NLGN1: variants seen among roughly 807,000 people sequenced by gnomAD.
NLGN1 encodes neuroligin 1.
NLGN1 carries 12 observed loss-of-function variants against 65.5 expected under a neutral mutation model. The observed-to-expected ratio is 0.18, with a 90% confidence interval of 0.12 to 0.30. The LOEUF is 0.30. NLGN1 is among the 10% of genes least tolerant of loss of function. The pLI is 1.00. For synonymous variants in NLGN1, 350 were observed against 359.5 expected, an observed-to-expected ratio of 0.97 and a Z score of 0.30; for missense variants, 750 against 1,007.1, an observed-to-expected ratio of 0.74 and a Z score of 3.46.
intron 4 of NLGN1, among the ~76,000 whole-genome samples, chr3:173,917,065 C>T (rs1225820248): frequency 6.6e-6 from 1 of 152,120 alleles, no homozygotes; most frequent in East Asian, 1.9e-4. Flanking sequence ...GCACACATTG[C>T]TTAAAAACTA....
intron 4 of NLGN1, among the ~76,000 whole-genome samples, chr3:174,154,794 A>G (rs574924365): frequency 1.8e-4 from 27 of 149,940 alleles, no homozygotes; most frequent in African/African-American, 6.4e-4. Flanking sequence ...TTTATAGTAT[A>G]TATGTTGTAG....
At chr3:173,471,431 A>G (rs1354310850) in intron 2 of NLGN1, among the ~76,000 whole-genome samples, 1 of 152,034 alleles carries the variant, frequency 6.6e-6, no homozygotes. Flanking sequence ...AGATAAACCA[A>G]CCCATTCTCT....
chr3:173,708,612 A>G (rs764259049), intron 3 of NLGN1, among the ~76,000 whole-genome samples: 1 of 152,184 alleles, frequency 6.6e-6, no homozygotes, highest in African/African-American at 2.4e-5. Flanking sequence ...AGCCTAGAAA[A>G]GGTATTGTAA....
chr3:173,795,948 G>C (rs759245469), intron 3 of NLGN1, among the ~76,000 whole-genome samples: 2 of 152,114 alleles, frequency 1.3e-5, no homozygotes, highest in Admixed American at 6.6e-5. Flanking sequence ...AAGGTCAATA[G>C]CCAGGGCTTT....
chr3:173,764,660 C>T (rs1356151243), intron 3 of NLGN1, among the ~76,000 whole-genome samples: 1 of 152,074 alleles, frequency 6.6e-6, no homozygotes, highest in Non-Finnish European at 1.5e-5. Context: ...ATCTGCATAA[C>T]TACCTGGTAA....
intron 4 of NLGN1, among the ~76,000 whole-genome samples, chr3:173,993,505 AATG>A (rs1560796672): frequency 6.6e-6 from 1 of 152,160 alleles, no homozygotes; most frequent in Non-Finnish European, 1.5e-5. Context: ...AGATGTTAAG[AATG>A]ATGTGTGTGT....
intron 3 of NLGN1, among the ~76,000 whole-genome samples, chr3:173,737,639 T>G (rs1053560508): frequency 3.9e-5 from 6 of 152,096 alleles, no homozygotes; most frequent in African/African-American, 9.6e-5. Flanking sequence ...ATATACTACA[T>G]TGTATTTATC....
chr3:173,979,544 A>C (rs2152390394), intron 4 of NLGN1, among the ~76,000 whole-genome samples: 1 of 152,190 alleles, frequency 6.6e-6, no homozygotes, highest in Admixed American at 6.6e-5. Flanking sequence ...TAAGAGGTAA[A>C]AAGAAGTGAC....
intron 2 of NLGN1, among the ~76,000 whole-genome samples, chr3:173,465,139 A>G (rs1020023433): frequency 3.9e-5 from 6 of 152,236 alleles, no homozygotes; most frequent in African/African-American, 1.4e-4. Context: ...GTACATAATT[A>G]AGCCTTGTTC....
chr3:174,189,590 A>G (rs2152758055), intron 4 of NLGN1, among the ~76,000 whole-genome samples: 1 of 152,092 alleles, frequency 6.6e-6, no homozygotes, highest in Non-Finnish European at 1.5e-5. Context: ...ATATATGTCC[A>G]TCATTCTTCA....
At chr3:173,939,475 G>C (rs1745614015) in intron 4 of NLGN1, among the ~76,000 whole-genome samples, 1 of 151,962 alleles carries the variant, frequency 6.6e-6, no homozygotes, top group Admixed American at 6.6e-5. Flanking sequence ...ACCACAAGGA[G>C]GATTATACAT....
At chr3:173,618,589 A>T (rs1753506513) in intron 3 of NLGN1, among the ~76,000 whole-genome samples, 2 of 152,096 alleles carry the variant, frequency 1.3e-5, no homozygotes, top group South Asian at 4.1e-4. Flanking sequence ...AGACTATATT[A>T]TATATTATTT....
intron 1 of NLGN1, among the ~76,000 whole-genome samples, chr3:173,414,683 C>T (rs914316499): frequency 6.6e-6 from 1 of 151,702 alleles, no homozygotes; most frequent in East Asian, 1.9e-4. Context: ...AATAGTAAAA[C>T]CCTTGAAAAG....
At chr3:174,183,414 T>C (rs146180001) in intron 4 of NLGN1, among the ~76,000 whole-genome samples, 6 of 152,172 alleles carry the variant, frequency 3.9e-5, no homozygotes, top group Admixed American at 3.9e-4. Context: ...ATGTGAAAGA[T>C]GTTTTAATAA....
chr3:173,589,781 A>AT (rs1748149154), intron 2 of NLGN1, among the ~76,000 whole-genome samples: 1 of 152,178 alleles, frequency 6.6e-6, no homozygotes, highest in African/African-American at 2.4e-5. Flanking sequence ...AACCATAATG[A>AT]TTCTTTTTTC....
intron 4 of NLGN1, among the ~76,000 whole-genome samples, chr3:173,986,424 G>A (rs1003986274): frequency 6.6e-6 from 1 of 151,954 alleles, no homozygotes; most frequent in Admixed American, 6.6e-5. Context: ...AGCCGAGATC[G>A]GGCCACTGCA....
intron 4 of NLGN1, among the ~76,000 whole-genome samples, chr3:174,126,089 C>T (rs769894110): frequency 3.9e-5 from 6 of 152,036 alleles, no homozygotes; most frequent in Non-Finnish European, 7.4e-5. Context: ...TGTGTTCACC[C>T]GGGCATGATG....
rs373479510 is a variant in NLGN1 at position 173,417,390 on chromosome 3, A to G, written c.-389-17620A>G. On this transcript the variant is annotated intron_variant, in intron 1 of 6. Coordinates refer to ENST00000457714, the Ensembl canonical transcript of NLGN1. The stretch of plus-strand genomic sequence containing the variant: ...TTTTTAAAATGTCTTGGTATGTGAT[A>G]CTTGAACTTAATTCTCTAAATAATC... Among the ~76,000 whole-genome samples, 11 of 152,036 alleles carry G rather than the reference A, an allele frequency of 7.2e-5. 1 individual carries two copies. Among genetic ancestry groups the G allele is most frequent in the South Asian group, 4.2e-4 (2 of 4,812 alleles).
At chr3:173,953,783 A>G (rs904351060) in intron 4 of NLGN1, among the ~76,000 whole-genome samples, 2 of 152,096 alleles carry the variant, frequency 1.3e-5, no homozygotes, top group Non-Finnish European at 2.9e-5. Context: ...GACTCAAGCT[A>G]TCCTCCCACC....
Sources: allele counts gnomAD v4.1 joint callset (sites outside exome capture counted in the v4.1 genomes callset), GRCh38; gene constraint gnomAD v4.1.1; transcripts MANE v1.5; gene names NCBI Gene and HGNC (gene_info 2026-07-23, HGNC 2026-07-21).